FOXM1: variants seen among roughly 807,000 people sequenced by gnomAD.
The protein encoded by FOXM1 is forkhead box M1.
FOXM1 carries 25 observed loss-of-function variants against 63.6 expected under a neutral mutation model. The ratio of observed to expected loss-of-function variants is 0.39; its 90% confidence interval spans 0.29 to 0.55. The LOEUF (loss-of-function observed/expected upper bound fraction) is 0.55, where lower values mean the gene tolerates loss of function less well. FOXM1 is among the 20% of genes least tolerant of loss of function. The probability of loss-of-function intolerance (pLI) is 0.60; values close to 1 mark genes in which losing one functional copy is unlikely to be tolerated. For synonymous variants in FOXM1, 387 were observed against 376.9 expected (o/e 1.03, Z -0.31); for missense variants, 879 against 958.7 (o/e 0.92, Z 1.10).
intron 8 of FOXM1, among the ~76,000 whole-genome samples, chr12:2,860,214 A>G (rs1484469750): frequency 6.6e-6 from 1 of 152,216 alleles, no homozygotes; most frequent in Non-Finnish European, 1.5e-5. Flanking sequence ...GAGATACCAT[A>G]AACAAAGTTA....
chr12:2,873,924 A>C, intron 2 of FOXM1, 53 bp downstream of exon 2: 1 of 1,552,038 alleles, frequency 6.4e-7, no homozygotes, highest in Non-Finnish European at 8.7e-7. Context: ...ACACCTTGCC[A>C]CTACAGAGGA....
chr12:2,872,934 G>C lies in FOXM1; in HGVS notation c.503-687C>G, dbSNP rs2098135649. 6.6e-6 allele frequency among the ~76,000 whole-genome samples: 1 copy of C among 152,106 alleles called. No homozygotes were observed. Among genetic ancestry groups the C allele is most frequent in the Non-Finnish European group, 1.5e-5 (1 of 68,024 alleles). On this transcript the variant is annotated intron_variant, in intron 2 of 8. Coordinates refer to ENST00000359843, the MANE Select transcript of FOXM1 (RefSeq NM_021953.4). This position sits in a 1 kb window ranked among gnomAD's most constrained non-coding sequence, Gnocchi z 4.0. ...CTGGGAATGATGGTGCATGCCTATA[G>C]TCCCAGCTACTTGGGAGGCTGATGT...
chr12:2,875,761 A>ATTTTTT (rs568267379), intron 1 of FOXM1, among the ~76,000 whole-genome samples: 10 of 133,378 alleles, frequency 7.5e-5, no homozygotes, highest in African/African-American at 2.8e-4. Flanking sequence ...ATTTTTTTTA[A>ATTTTTT]TTTTTTTTTT....
chr12:2,874,219 A>G lies in FOXM1; in HGVS notation c.260T>C (p.Ile87Thr), dbSNP rs1229869751. 6.2e-7 allele frequency: 1 copy of G among 1,614,098 alleles called. No individual in the cohort carries two copies. The highest frequency in any genetic ancestry group is 2.2e-5 in the East Asian group (1 of 44,870). The change falls in exon 2 of 9, where the codon ATC becomes ACC. Residue 87 changes from isoleucine to threonine, a missense_variant. Ile to Thr is a moderately conservative substitution (Grantham distance 89, BLOSUM62 -1). This residue lies in a region of FOXM1 where 255 missense variants were observed against 292.4 expected (regional missense o/e 0.87). Coordinates refer to ENST00000359843, the MANE Select transcript of FOXM1 (RefSeq NM_021953.4). This position sits in a 1 kb window ranked among gnomAD's most constrained non-coding sequence, Gnocchi z 4.3. ...TCCCTTGGCAGTCAGTGCTGTGATG[A>G]TGCTGTGAATATTAGCATTGTTGGG... is the stretch of plus-strand genomic sequence containing the variant. The part of the protein sequence containing the change: ...AIPNNANIHS[I>T]ITALTAKGKE...
intron 5 of FOXM1, 58 bp from the exon 6 acceptor site, chr12:2,865,457 C>A: frequency 2.1e-6 from 3 of 1,420,962 alleles, no homozygotes; most frequent in South Asian, 2.4e-5. Context: ...CCAACGTGGT[C>A]AATTTGACCG....
Position 2,863,328 on chromosome 12 carries a change from C to T in FOXM1, c.1266+992G>A, listed in dbSNP as rs1192692155. On this transcript the variant is annotated intron_variant, in intron 8 of 8. Coordinates refer to ENST00000359843, the MANE Select transcript of FOXM1 (RefSeq NM_021953.4). ...ACTGCCAGGTACGAACTGCATTTCC[C>T]GCCTCCATGGCACTGCCCATTAGCA... is the stretch of plus-strand genomic sequence containing the variant. 4.1e-4 allele frequency among the ~76,000 whole-genome samples: 63 copies of T among 152,186 alleles called. 1 individual carries two copies. Among genetic ancestry groups the T allele is most frequent in the Admixed American group, 4.0e-3 (61 of 15,278 alleles).
At position 2,864,838 on chromosome 12, in the gene FOXM1, G is replaced by T; in HGVS notation, c.1021-86C>A. 1 of 1,432,504 alleles carries T rather than the reference G, an allele frequency of 7.0e-7. No homozygotes were observed. Among genetic ancestry groups the T allele is most frequent in the Non-Finnish European group, 9.8e-7 (1 of 1,016,332 alleles). The allele number at this position is 1,432,504 out of a possible 1,614,324, so 88.7% of individuals were successfully genotyped here. On this transcript the variant is annotated intron_variant, in intron 6 of 8. Coordinates refer to ENST00000359843, the MANE Select transcript of FOXM1 (RefSeq NM_021953.4). This position sits in a 1 kb window ranked among gnomAD's most constrained non-coding sequence, Gnocchi z 5.1. ...ATGGCAAAACCCCACCAGCTGCTCT[G>T]GTGGTGTGTGCTTGAGTTAATGACA... is the stretch of plus-strand genomic sequence containing the variant.
In FOXM1 at chr12:2,864,025, C is replaced by T. The variant is rs2098118717; in HGVS notation, c.1266+295G>A. 1 of 291,480 alleles carries T rather than the reference C, an allele frequency of 3.4e-6. No individual in the cohort carries two copies. The highest frequency in any genetic ancestry group is 6.1e-5 in the South Asian group (1 of 16,276). The allele number at this position is 291,480 out of a possible 1,614,324, so 18.1% of individuals were successfully genotyped here. A position where few individuals can be genotyped will look rare whatever the true frequency, so the allele number is the denominator to read the frequency against. ...CGGCCAAATCCATCTCTTTCTAAGGCCTGCCTCCCTTGTGTATCTTCCTTA... is the reference window on the plus strand; with the variant it reads ...CGGCCAAATCCATCTCTTTCTAAGGTCTGCCTCCCTTGTGTATCTTCCTTA... On this transcript the variant is annotated intron_variant, in intron 8 of 8. Coordinates refer to ENST00000359843, the MANE Select transcript of FOXM1 (RefSeq NM_021953.4). This position sits in a 1 kb window ranked among gnomAD's most constrained non-coding sequence, Gnocchi z 5.1.
In FOXM1 at chr12:2,872,026, G is replaced by T; in HGVS notation, c.654+70C>A. 1.3e-6 allele frequency: 2 copies of T among 1,531,280 alleles called. No homozygotes were observed. The highest frequency in any genetic ancestry group is 1.8e-6 in the Non-Finnish European group (2 of 1,106,098). The allele number at this position is 1,531,280 out of a possible 1,614,324, so 94.9% of individuals were successfully genotyped here. A position where few individuals can be genotyped will look rare whatever the true frequency, so the allele number is the denominator to read the frequency against. On this transcript the variant is annotated intron_variant, in intron 3 of 8. Transcript: ENST00000359843. The surrounding 1 kb of genome is among the most constrained non-coding windows in gnomAD (Gnocchi z 4.0). ...GAAATTCTGGTCCATCAGGCCACTT[G>T]ATCCATTTCCCTACCTAGGAATTCC...
At chr12:2,860,692 G>A (rs2098110091) in intron 8 of FOXM1, among the ~76,000 whole-genome samples, 1 of 151,876 alleles carries the variant, frequency 6.6e-6, no homozygotes, top group African/African-American at 2.4e-5. Context: ...GACCAACATG[G>A]TGAAACCTTG....
chr12:2,864,663 G>A lies in FOXM1; in HGVS notation c.1090+20C>T. On this transcript the variant is annotated intron_variant, in intron 7 of 8. Transcript: ENST00000359843. The surrounding 1 kb of genome is among the most constrained non-coding windows in gnomAD (Gnocchi z 5.1). ...CCCCAGAACAAGGACCAGGCCCAAG[G>A]CCCACTCTCCCATACTAACGTGCGC... 6.2e-7 allele frequency: 1 copy of A among 1,612,826 alleles called. No homozygotes were observed. The highest frequency in any genetic ancestry group is 8.5e-7 in the Non-Finnish European group (1 of 1,178,834).
chr12:2,858,675 T>A lies in FOXM1; in HGVS notation c.2255A>T (p.Asn752Ile). Residue 752 changes from asparagine to isoleucine, a missense_variant, in exon 9 of 9, where the codon AAC (asparagine) becomes ATC (isoleucine). Asn to Ile is a moderately radical substitution (Grantham distance 149, BLOSUM62 -3). This residue lies in a region of FOXM1 where 486 missense variants were observed against 453.5 expected (regional missense o/e 1.07). Transcript: ENST00000359843. ...AGGAATAAACTGGGACCAGTTGATG[T>A]TGTCAGGGCCCAGTGGGTCCTCGTC... ...GLDEDPLGPD[N>I]INWSQFIPEL... The A allele has an allele frequency of 6.2e-7, 1 of 1,614,152 alleles. No individual in the cohort carries two copies. The highest frequency in any genetic ancestry group is 8.5e-7 in the Non-Finnish European group (1 of 1,180,028).
At chr12:2,876,260 A>G (rs1178862337) in intron 1 of FOXM1, 1 of 151,792 alleles carries the variant, frequency 6.6e-6, no homozygotes, top group Non-Finnish European at 1.5e-5. Context: ...CTACCTTCAA[A>G]TCTCAGTTTT....
intron 4 of FOXM1, chr12:2,868,291 C>T (rs2098127190): frequency 9.8e-6 from 3 of 307,454 alleles, no homozygotes; most frequent in East Asian, 5.4e-5. Flanking sequence ...GCATCTAGGA[C>T]GGCTGTTGAG....
chr12:2,864,784 C>A lies in FOXM1; in HGVS notation c.1021-32G>T. Reference sequence around the variant, plus strand: ...GTGGCAGATGGGGAGAGAAAGAAACCTATGTTAACACAATAAGGTAAAGAG... The same window carrying A: ...GTGGCAGATGGGGAGAGAAAGAAACATATGTTAACACAATAAGGTAAAGAG... On this transcript the variant is annotated intron_variant, in intron 6 of 8. Coordinates refer to ENST00000359843, the MANE Select transcript of FOXM1 (RefSeq NM_021953.4). The surrounding 1 kb of genome is among the most constrained non-coding windows in gnomAD (Gnocchi z 5.1). 6.2e-7 allele frequency: 1 copy of A among 1,611,264 alleles called. No individual in the cohort carries two copies. The highest frequency in any genetic ancestry group is 1.1e-5 in the South Asian group (1 of 90,976).
rs745319066 is a variant in FOXM1, at chr12:2,859,214, G to A, written c.1716C>T (p.Ala572=). 30 of 1,612,274 alleles carry A rather than the reference G, an allele frequency of 1.9e-5. No individual in the cohort carries two copies. Among genetic ancestry groups the A allele is most frequent in the Admixed American group, 5.0e-5 (3 of 59,958 alleles). The change falls in exon 9 of 9, where the codon GCC becomes GCT. Residue 572 remains alanine (A), a synonymous_variant. Coordinates refer to ENST00000359843, the MANE Select transcript of FOXM1 (RefSeq NM_021953.4). ...FSEGPSTSRW[A]AELPFPADSS... ...AGTCTGCTGGGAACGGGAGCTCTGC[G>A]GCCCAGCGGGAAGTACTGGGCCCCT...
chr12:2,873,893 G>C lies in FOXM1; in HGVS notation c.502+84C>G, dbSNP rs1286454675. ...GTGCTCGGCCAGAAGCCTGACTGTT[G>C]TAAGCATCAAGACTGACTACACACC... On this transcript the variant is annotated intron_variant, in intron 2 of 8. Coordinates refer to ENST00000359843, the MANE Select transcript of FOXM1 (RefSeq NM_021953.4). 4.2e-6 allele frequency: 6 copies of C among 1,438,770 alleles called. No individual in the cohort carries two copies. In the Admixed American group the frequency reaches 8.6e-5, roughly 21 times the overall value. 89.1% of individuals were successfully genotyped at this position (1,438,770 alleles called of 1,614,324 possible). A position where few individuals can be genotyped will look rare whatever the true frequency, so the allele number is the denominator to read the frequency against.
intron 3 of FOXM1, among the ~76,000 whole-genome samples, chr12:2,871,462 A>G (rs1029731558): frequency 1.3e-5 from 2 of 152,110 alleles, no homozygotes; most frequent in Non-Finnish European, 2.9e-5. Context: ...CCTGGGCAAC[A>G]TAGCGAAACC....
At chr12:2,862,258 G>A (rs907068064) in intron 8 of FOXM1, among the ~76,000 whole-genome samples, 1 of 151,820 alleles carries the variant, frequency 6.6e-6, no homozygotes, top group Non-Finnish European at 1.5e-5. Flanking sequence ...TGTGTTGTAT[G>A]TGTACATATA....
Sources: allele counts gnomAD v4.1 joint callset (sites outside exome capture counted in the v4.1 genomes callset), GRCh38; gene constraint gnomAD v4.1.1; regional missense constraint gnomAD v4.1.1; non-coding constraint Gnocchi (gnomAD v3.1); transcripts MANE v1.5; gene names NCBI Gene and HGNC (gene_info 2026-07-23, HGNC 2026-07-21).